Variants in PCDHGA8 observed in about 807,000 individuals in gnomAD.
PCDHGA8 encodes protocadherin gamma-A8.
In PCDHGA8, 45 loss-of-function variants were observed where a neutral mutation model predicts 59.2. The observed-to-expected ratio is 0.76, with a 90% confidence interval of 0.60 to 0.98. The LOEUF is 0.98. PCDHGA8 is among the 50% of genes least tolerant of loss of function. The pLI is 0.00. For synonymous variants in PCDHGA8, 531 were observed against 519.0 expected (o/e 1.02, Z -0.32); for missense variants, 1,257 against 1,196.2 (o/e 1.05, Z -0.75).
chr5:141,431,066 CAATT>C lies in PCDHGA8; in HGVS notation c.2424+35832_2424+35835del, dbSNP rs762972663. ...GCTCTGTATGGGGGCCATCAAGTGT[CAATT>C]AAATCTAGACATTCTGATGGAGGAT... On this transcript the variant is annotated intron_variant, in intron 1 of 3. Transcript: ENST00000398604. This position sits in a 1 kb window ranked among gnomAD's most constrained non-coding sequence, Gnocchi z 4.8. 9 of 1,614,042 alleles carry C rather than the reference CAATT, an allele frequency of 5.6e-6. No individual in the cohort carries two copies. The East Asian group carries it at 2.0e-4, about 36-fold the overall frequency.
intron 1 of PCDHGA8, among the ~76,000 whole-genome samples, chr5:141,494,188 T>G (rs2099752632): frequency 6.6e-6 from 1 of 152,186 alleles, no homozygotes; most frequent in Non-Finnish European, 1.5e-5. Flanking sequence ...GTCCCGGGAC[T>G]TGGATGCCCC....
At chr5:141,444,125 C>A (rs1459174213) in intron 1 of PCDHGA8, among the ~76,000 whole-genome samples, 2 of 130,784 alleles carry the variant, frequency 1.5e-5, no homozygotes, top group African/African-American at 5.7e-5. Flanking sequence ...AGTATCTCAA[C>A]AGATATGTGT....
At position 141,481,880 on chromosome 5, in the gene PCDHGA8, C is replaced by T. The variant is rs555652518; in HGVS notation, c.2425-12927C>T. Among the ~76,000 whole-genome samples, 5 of 145,406 alleles carry T rather than the reference C, an allele frequency of 3.4e-5. No individual in the cohort carries two copies. The East Asian group carries it at 1.0e-3, about 29-fold the overall frequency. On this transcript the variant is annotated intron_variant, in intron 1 of 3. Transcript: ENST00000398604. ...AGTGAGCCGAGATCGCGCCACTGCA[C>T]TCCAGCCTGGGTGAAAGAGCGAAAC...
intron 1 of PCDHGA8, among the ~76,000 whole-genome samples, chr5:141,437,364 T>G (rs1026384836): frequency 6.6e-6 from 1 of 152,232 alleles, no homozygotes; most frequent in Non-Finnish European, 1.5e-5. Context: ...AAAATTGGAA[T>G]GTAATCAGTC....
intron 1 of PCDHGA8, among the ~76,000 whole-genome samples, chr5:141,449,606 A>AG (rs1263111904): frequency 2.0e-5 from 3 of 150,702 alleles, no homozygotes; most frequent in Non-Finnish European, 3.0e-5. Flanking sequence ...AAAAAAAAAA[A>AG]AGTAAAAAAG....
At position 141,432,247 on chromosome 5, in the gene PCDHGA8, C is replaced by G. The variant is rs139910620; in HGVS notation, c.2424+37010C>G. 61 of 1,614,264 alleles carry G rather than the reference C, an allele frequency of 3.8e-5. No homozygotes were observed. The African/African-American group carries it at 6.3e-4, about 17-fold the overall frequency. On this transcript the variant is annotated intron_variant, in intron 1 of 3. Transcript: ENST00000398604. The surrounding 1 kb of genome is among the most constrained non-coding windows in gnomAD (Gnocchi z 6.0). ...CTTATTCCCTGGCTGAGAACACCAT[C>G]CAAGGGGCAAGCCTATCGTCCTACG...
At chr5:141,450,675 C>T (rs377412699) in intron 1 of PCDHGA8, among the ~76,000 whole-genome samples, 3 of 151,614 alleles carry the variant, frequency 2.0e-5, no homozygotes, top group South Asian at 4.2e-4. Flanking sequence ...TTAGTAGAAA[C>T]GGGGTTTTGC....
intron 1 of PCDHGA8, among the ~76,000 whole-genome samples, chr5:141,457,755 A>G (rs1011599369): frequency 2.0e-5 from 3 of 152,226 alleles, no homozygotes; most frequent in African/African-American, 4.8e-5. Flanking sequence ...GAGCCCAGAC[A>G]TGGGTTTGTA....
intron 1 of PCDHGA8, among the ~76,000 whole-genome samples, chr5:141,434,616 T>C (rs911085192): frequency 1.3e-5 from 2 of 152,204 alleles, no homozygotes; most frequent in East Asian, 1.9e-4. Context: ...TCCGCCCATC[T>C]CTTCGTTTCC....
At position 141,431,398 on chromosome 5, in the gene PCDHGA8, G is replaced by A. The variant is rs1052461071; in HGVS notation, c.2424+36161G>A. ...AGGCTGCTCACCACCTGGTCCTTACGGCCTCCGACGGGGGCGACCCGGTGC... is the reference window on the plus strand; with the variant it reads ...AGGCTGCTCACCACCTGGTCCTTACAGCCTCCGACGGGGGCGACCCGGTGC... On this transcript the variant is annotated intron_variant, in intron 1 of 3. Coordinates refer to ENST00000398604, the MANE Select transcript of PCDHGA8 (RefSeq NM_032088.2). This position sits in a 1 kb window ranked among gnomAD's most constrained non-coding sequence, Gnocchi z 4.8. The A allele has an allele frequency of 6.8e-6, 11 of 1,613,768 alleles. No homozygotes were observed. Among genetic ancestry groups the A allele is most frequent in the Non-Finnish European group, 9.3e-6 (11 of 1,180,036 alleles).
chr5:141,393,938 C>T lies in PCDHGA8; in HGVS notation c.1125C>T (p.Asp375=), dbSNP rs537803893. The T allele has an allele frequency of 1.5e-5, 25 of 1,613,934 alleles. No homozygotes were observed. In the African/African-American group the frequency reaches 2.4e-4, roughly 15 times the overall value. ...VIAFLSVHDQ[D]SGKNGQVVCY... ...CCTTCTTGAGTGTGCATGACCAAGA[C>T]TCTGGAAAGAATGGTCAAGTTGTCT... The change falls in exon 1 of 4, where the codon GAC becomes GAT. Residue 375 remains aspartate (D), a synonymous_variant. Transcript: ENST00000398604.
At chr5:141,478,670 C>T (rs1413742587) in intron 1 of PCDHGA8, 28 of 1,551,664 alleles carry the variant, frequency 1.8e-5, no homozygotes, top group Non-Finnish European at 2.4e-5. Flanking sequence ...TTCACACTTT[C>T]AACTGGCCCT....
At chr5:141,506,597 C>T (rs937487600) in intron 3 of PCDHGA8, among the ~76,000 whole-genome samples, 4 of 152,150 alleles carry the variant, frequency 2.6e-5, no homozygotes, top group Admixed American at 6.5e-5. Context: ...ACAGTATTAA[C>T]GGATCTCATT....
Position 141,476,008 on chromosome 5 carries a change from G to T in PCDHGA8, c.2425-18799G>T. 1 of 1,282,144 alleles carries T rather than the reference G, an allele frequency of 7.8e-7. No homozygotes were observed. Among genetic ancestry groups the T allele is most frequent in the Non-Finnish European group, 1.1e-6 (1 of 935,996 alleles). 79.4% of individuals were successfully genotyped at this position (1,282,144 alleles called of 1,614,324 possible). On this transcript the variant is annotated intron_variant, in intron 1 of 3. Coordinates refer to ENST00000398604, the MANE Select transcript of PCDHGA8 (RefSeq NM_032088.2). This position sits in a 1 kb window ranked among gnomAD's most constrained non-coding sequence, Gnocchi z 7.6. ...CGAGCAAATCAACGGCATCCAGAAA[G>T]CCATGTCGGACTCGGCGCCCAGCGC... is the stretch of plus-strand genomic sequence containing the variant.
intron 1 of PCDHGA8, chr5:141,409,583 G>A (rs1221824873): frequency 1.2e-6 from 2 of 1,613,920 alleles, no homozygotes; most frequent in African/African-American, 1.3e-5. Flanking sequence ...CGTGGTCCAC[G>A]TGGCCGAGAA....
rs909444391 is a variant in PCDHGA8 at position 141,450,834 on chromosome 5, T to A, written c.2425-43973T>A. On this transcript the variant is annotated intron_variant, in intron 1 of 3. Transcript: ENST00000398604. ...TATTTAATATTATTATTATTATTTT[T>A]TTTTTTTTGAGATGGGGTCTTGCTC... is the stretch of plus-strand genomic sequence containing the variant. 1.2e-3 allele frequency among the ~76,000 whole-genome samples: 172 copies of A among 148,764 alleles called. 3 individuals are homozygous for A. The highest frequency in any genetic ancestry group is 4.1e-3 in the African/African-American group (166 of 40,236).
At chr5:141,406,748 A>G (rs180930343) in intron 1 of PCDHGA8, among the ~76,000 whole-genome samples, 80 of 152,312 alleles carry the variant, frequency 5.3e-4, no homozygotes, top group Non-Finnish European at 1.5e-4. Context: ...GTGAAATGAC[A>G]AAACAAGGAA....
chr5:141,491,048 C>G lies in PCDHGA8; in HGVS notation c.2425-3759C>G. On this transcript the variant is annotated intron_variant, in intron 1 of 3. Coordinates refer to ENST00000398604, the MANE Select transcript of PCDHGA8 (RefSeq NM_032088.2). The surrounding 1 kb of genome is among the most constrained non-coding windows in gnomAD (Gnocchi z 6.9). ...GTGGATGCTGATGCAGGCCACAATGCGTGGCTCTCCTACTCACTGTTGCCA... is the reference window on the plus strand; with the variant it reads ...GTGGATGCTGATGCAGGCCACAATGGGTGGCTCTCCTACTCACTGTTGCCA... 1.2e-6 allele frequency: 2 copies of G among 1,614,066 alleles called. No individual in the cohort carries two copies. Among genetic ancestry groups the G allele is most frequent in the Non-Finnish European group, 8.5e-7 (1 of 1,179,952 alleles).
Position 141,476,758 on chromosome 5 carries a change from G to A in PCDHGA8, c.2425-18049G>A. On this transcript the variant is annotated intron_variant, in intron 1 of 3. Transcript: ENST00000398604. The surrounding 1 kb of genome is among the most constrained non-coding windows in gnomAD (Gnocchi z 7.6). Reference sequence around the variant, plus strand: ...GGGAGCCTAGTCTCCAGTTAGTGCTGACGGCGTTGGACGGAGGGACCCCAG... The same window carrying A: ...GGGAGCCTAGTCTCCAGTTAGTGCTAACGGCGTTGGACGGAGGGACCCCAG... 1 of 1,613,868 alleles carries A rather than the reference G, an allele frequency of 6.2e-7. No homozygotes were observed. The highest frequency in any genetic ancestry group is 1.1e-5 in the South Asian group (1 of 91,086).
Sources: gnomAD v4.1 joint callset for allele counts (sites outside exome capture counted in the v4.1 genomes callset) on GRCh38, gnomAD v4.1.1 for gene constraint, Gnocchi (gnomAD v3.1) non-coding constraint, MANE v1.5 for transcripts, NCBI Gene and HGNC (gene_info 2026-07-23, HGNC 2026-07-21) for gene names.